Variants in ZNF682 observed in about 807,000 individuals in gnomAD.
The protein encoded by ZNF682 is zinc finger protein 682.
Under a neutral mutation model 36.5 loss-of-function variants are expected in ZNF682, and 29 were observed. That is an observed-to-expected ratio of 0.80 (90% CI 0.59 to 1.08). The LOEUF is 1.08. Among genes scored for constraint, ZNF682 ranks in the 50% least tolerant of loss-of-function variants. The pLI is 0.00. For synonymous variants in ZNF682, 180 were observed against 197.0 expected (o/e 0.91, Z 0.72); for missense variants, 561 against 579.7 (o/e 0.97, Z 0.33).
downstream of ZNF682, among the ~76,000 whole-genome samples, chr19:20,000,535 T>C (rs370256462): frequency 7.2e-5 from 11 of 152,244 alleles, no homozygotes; most frequent in South Asian, 2.1e-3. Context: ...CATCAAGAGG[T>C]GAGGGCATTC....
intron 3 of ZNF682, among the ~76,000 whole-genome samples, chr19:20,012,450 G>T (rs974333516): frequency 2.6e-5 from 4 of 152,120 alleles, no homozygotes; most frequent in African/African-American, 9.7e-5. Context: ...ATCTGACAAG[G>T]AACTAATGTT....
chr19:20,005,949 T>C lies in ZNF682; in HGVS notation c.*56A>G. 1 of 1,483,414 alleles carries C rather than the reference T, an allele frequency of 6.7e-7. No individual in the cohort carries two copies. Among genetic ancestry groups the C allele is most frequent in the Non-Finnish European group, 9.1e-7 (1 of 1,100,832 alleles). The allele number at this position is 1,483,414 out of a possible 1,614,324, so 91.9% of individuals were successfully genotyped here. ...TGTGATTTCAATGCCTTGAGCAAGA[T>C]TTATGGAATTTGCCACATTCTTTAC... On this transcript the variant is annotated 3_prime_UTR_variant, in exon 4 of 4. Coordinates refer to ENST00000397165, the MANE Select transcript of ZNF682 (RefSeq NM_033196.3).
chr19:20,024,524 C>T (rs1478949426), intron 1 of ZNF682, 148 bp from the exon 2 acceptor site: 5 of 942,490 alleles, frequency 5.3e-6, no homozygotes, highest in Non-Finnish European at 7.4e-6. Context: ...GATGTATTCT[C>T]TAACACTGAG....
intron 3 of ZNF682, among the ~76,000 whole-genome samples, chr19:20,013,610 C>T (rs1020841997): frequency 2.0e-5 from 3 of 152,142 alleles, no homozygotes; most frequent in Admixed American, 6.5e-5. Context: ...GACTGAGTTT[C>T]GCTCTTGTTG....
chr19:20,039,487 G>T lies in ZNF682; in HGVS notation c.-142C>A. The stretch of plus-strand genomic sequence containing the variant: ...CAATGAAGATGGACCCTGAGCTCTG[G>T]CTGGAGCGAGACAAAGGCCCCGCCA... On this transcript the variant is annotated 5_prime_UTR_variant, in exon 1 of 4. Transcript: ENST00000397165. 2 of 1,174,806 alleles carry T rather than the reference G, an allele frequency of 1.7e-6. No individual in the cohort carries two copies. Among genetic ancestry groups the T allele is most frequent in the South Asian group, 1.6e-5 (1 of 63,378 alleles). The allele number at this position is 1,174,806 out of a possible 1,614,324, so 72.8% of individuals were successfully genotyped here.
chr19:19,997,253 T>C (rs8104863), exon 4 of ZNF682: 23,295 of 398,518 alleles, frequency 0.058, 1,176 homozygotes, highest in East Asian at 0.18. Flanking sequence ...ACTGTCCAAC[T>C]CTGTAGGTAC....
intron 3 of ZNF682, among the ~76,000 whole-genome samples, chr19:20,019,385 C>T (rs1427391098): frequency 3.3e-5 from 5 of 152,058 alleles, no homozygotes; most frequent in Admixed American, 2.0e-4. Context: ...ATCCAGCAAA[C>T]ATGGAAAATC....
downstream of ZNF682, among the ~76,000 whole-genome samples, chr19:19,995,927 C>G (rs1410476184): frequency 6.6e-6 from 1 of 152,192 alleles, no homozygotes; most frequent in East Asian, 1.9e-4. Context: ...CTTCCCCAGG[C>G]CCACAGTTCC....
Position 20,006,353 on chromosome 19 carries a change from G to T in ZNF682, c.1149C>A (p.Tyr383Ter). The T allele has an allele frequency of 1.9e-6, 3 of 1,612,526 alleles. No individual in the cohort carries two copies. The South Asian group carries it at 3.3e-5, about 18-fold the overall frequency. Residue 383 changes from tyrosine (Y) to a stop codon, truncating the protein, a stop_gained, in exon 4 of 4, where the codon TAC (tyrosine) becomes TAA (stop). Coordinates refer to ENST00000397165, the MANE Select transcript of ZNF682 (RefSeq NM_033196.3). LOFTEE classifies it high-confidence loss of function. ...TGTGAATTCTCTTGTGTTTAGTAAG[G>T]TATGAGAACCTCTTAAAGACTTTGT... is the stretch of plus-strand genomic sequence containing the variant. ...KCDKVFKRFS[Y>*]LTKHKRIHTG...
At chr19:20,018,555 A>G (rs2088357996) in intron 3 of ZNF682, among the ~76,000 whole-genome samples, 1 of 152,250 alleles carries the variant, frequency 6.6e-6, no homozygotes, top group South Asian at 2.1e-4. Flanking sequence ...AAAACAAAAT[A>G]GCTCAGAATT....
At chr19:20,035,104 A>G (rs575991002) in intron 1 of ZNF682, among the ~76,000 whole-genome samples, 13 of 152,342 alleles carry the variant, frequency 8.5e-5, no homozygotes, top group African/African-American at 2.9e-4. Flanking sequence ...TCTCAAATAC[A>G]TATATACATA....
At chr19:19,997,279 G>A in intron 3 of ZNF682, 1 of 398,586 alleles carries the variant, frequency 2.5e-6, no homozygotes, top group Non-Finnish European at 4.4e-6. Context: ...ATGGAAATGA[G>A]CTATGTCCCC....
intron 3 of ZNF682, among the ~76,000 whole-genome samples, chr19:20,018,263 T>G (rs1453615345): frequency 6.6e-6 from 1 of 151,162 alleles, no homozygotes; most frequent in Non-Finnish European, 1.5e-5. Context: ...CCGGCTAATT[T>G]TTTGTATTTT....
downstream of ZNF682, among the ~76,000 whole-genome samples, chr19:20,002,842 C>A (rs1260700086): frequency 1.3e-5 from 2 of 151,878 alleles, no homozygotes; most frequent in Non-Finnish European, 2.9e-5. Context: ...CTAGTGTTCA[C>A]CTAAAGAAAT....
In ZNF682 at chr19:20,006,395, G is replaced by A; in HGVS notation, c.1107C>T (p.Tyr369=). 5 of 1,613,200 alleles carry A rather than the reference G, an allele frequency of 3.1e-6. No individual in the cohort carries two copies. Among genetic ancestry groups the A allele is most frequent in the Non-Finnish European group, 4.2e-6 (5 of 1,179,864 alleles). The change falls in exon 4 of 4, where the codon TAC becomes TAT. Residue 369 remains tyrosine, a synonymous_variant. Coordinates refer to ENST00000397165, the MANE Select transcript of ZNF682 (RefSeq NM_033196.3). The part of the protein sequence containing the change: ...HKVIHSGEKP[Y]KCEKCDKVFK... ...AGACTTTGTCACATTTTTCACATTT[G>A]TAGGGTTTCTCTCCGCTATGAATTA...
chr19:19,999,167 T>G (rs767763138), intron 3 of ZNF682, among the ~76,000 whole-genome samples: 12 of 152,144 alleles, frequency 7.9e-5, no homozygotes, highest in Non-Finnish European at 1.6e-4. Context: ...GATCCCACAT[T>G]TCCAACCCCT....
chr19:20,016,282 G>A (rs984991348), intron 3 of ZNF682, among the ~76,000 whole-genome samples: 1 of 151,996 alleles, frequency 6.6e-6, no homozygotes, highest in Non-Finnish European at 1.5e-5. Flanking sequence ...GAGATCACAG[G>A]GCATAGAGAG....
In ZNF682 at chr19:20,039,471, T is replaced by C. The variant is rs2088565228; in HGVS notation, c.-126A>G. 3.8e-6 allele frequency: 5 copies of C among 1,325,950 alleles called. No individual in the cohort carries two copies. The highest frequency in any genetic ancestry group is 2.6e-5 in the South Asian group (2 of 75,514). The allele number at this position is 1,325,950 out of a possible 1,614,324, so 82.1% of individuals were successfully genotyped here. A position where few individuals can be genotyped will look rare whatever the true frequency, so the allele number is the denominator to read the frequency against. On this transcript the variant is annotated 5_prime_UTR_variant, in exon 1 of 4. Coordinates refer to ENST00000397165, the MANE Select transcript of ZNF682 (RefSeq NM_033196.3). ...AGCAGAGGATACTAAGCAATGAAGA[T>C]GGACCCTGAGCTCTGGCTGGAGCGA...
At chr19:20,016,452 G>C (rs903111452) in intron 3 of ZNF682, among the ~76,000 whole-genome samples, 1 of 151,950 alleles carries the variant, frequency 6.6e-6, no homozygotes, top group Non-Finnish European at 1.5e-5. Flanking sequence ...ACAGAATCAA[G>C]AAAATAGTGC....
Sources: gnomAD v4.1 joint callset for allele counts (sites outside exome capture counted in the v4.1 genomes callset) on GRCh38, gnomAD v4.1.1 for gene constraint, MANE v1.5 for transcripts, NCBI Gene and HGNC (gene_info 2026-07-23, HGNC 2026-07-21) for gene names.